The following MEF2A variants were observed in gnomAD, a reference collection of about 807,000 sequenced individuals.
MEF2A encodes the protein myocyte enhancer factor 2A, also known as myocyte-specific enhancer factor 2A.
A neutral mutation model predicts 55.8 loss-of-function variants in MEF2A; 28 were observed. That is an observed-to-expected ratio of 0.50 (90% CI 0.37 to 0.69). MEF2A has a LOEUF of 0.69. Among genes scored for constraint, MEF2A ranks in the 30% least tolerant of loss-of-function variants. The pLI is 0.00. For missense variants in MEF2A, 528 were observed against 626.2 expected, an observed-to-expected ratio of 0.84 and a Z score of 1.67; for synonymous variants, 239 against 227.1, an observed-to-expected ratio of 1.05 and a Z score of -0.47.
intron 1 of MEF2A, among the ~76,000 whole-genome samples, chr15:99,574,381 A>G (rs991342662): frequency 6.6e-6 from 1 of 152,212 alleles, no homozygotes; most frequent in Admixed American, 6.5e-5. Flanking sequence ...ATTCAAGCAC[A>G]TTACATTTAT....
intron 2 of MEF2A, among the ~76,000 whole-genome samples, chr15:99,621,710 G>A (rs570760750): frequency 1.3e-5 from 2 of 152,178 alleles, no homozygotes; most frequent in South Asian, 4.1e-4. Context: ...AGTTTCGTAT[G>A]TCCAAAATTA....
In MEF2A at chr15:99,690,332, C is replaced by T. The variant is rs771223673; in HGVS notation, c.762C>T (p.Pro254=). The T allele has an allele frequency of 1.2e-6, 2 of 1,613,546 alleles. No homozygotes were observed. Among genetic ancestry groups the T allele is most frequent in the Non-Finnish European group, 1.7e-6 (2 of 1,179,732 alleles). The change falls in exon 8 of 12, where the codon CCC becomes CCT. Residue 254 remains proline (P), a synonymous_variant. Coordinates refer to ENST00000557942, the MANE Select transcript of MEF2A (RefSeq NM_001319206.4). ...SLGKVMPTKS[P]PPPGGGNLGM... ...GCAAAGTCATGCCTACAAAGTCTCC[C>T]CCTCCACCAGGTGGTGGTAATCTTG... is the stretch of plus-strand genomic sequence containing the variant.
intron 1 of MEF2A, among the ~76,000 whole-genome samples, chr15:99,583,349 A>G (rs1387436666): frequency 6.6e-6 from 1 of 152,118 alleles, no homozygotes; most frequent in Non-Finnish European, 1.5e-5. Context: ...CTTTTTCTAC[A>G]TTCTGGTTAA....
chr15:99,593,048 C>A (rs901784133), intron 1 of MEF2A, among the ~76,000 whole-genome samples: 4 of 152,034 alleles, frequency 2.6e-5, no homozygotes, highest in Admixed American at 2.6e-4. Context: ...CTTCTTTTTC[C>A]TTTACAGTGT....
chr15:99,594,531 G>T (rs557067937), intron 1 of MEF2A, among the ~76,000 whole-genome samples: 2 of 146,856 alleles, frequency 1.4e-5, no homozygotes, highest in Non-Finnish European at 3.0e-5. Flanking sequence ...TTGACCGTTG[G>T]TAATCAACTC....
At chr15:99,624,643 G>T (rs1340586383) in intron 2 of MEF2A, among the ~76,000 whole-genome samples, 1 of 151,996 alleles carries the variant, frequency 6.6e-6, no homozygotes, top group Non-Finnish European at 1.5e-5. Context: ...AGATTATTTT[G>T]GCTATTTGGA....
intron 3 of MEF2A, among the ~76,000 whole-genome samples, chr15:99,638,468 C>T (rs117815364): frequency 1.4e-3 from 215 of 151,988 alleles, no homozygotes; most frequent in Non-Finnish European, 2.6e-3. Context: ...GTATTTTGTC[C>T]TCCTGTATTT....
intron 4 of MEF2A, among the ~76,000 whole-genome samples, chr15:99,670,411 A>C (rs973825600): frequency 6.6e-6 from 1 of 152,154 alleles, no homozygotes; most frequent in Non-Finnish European, 1.5e-5. Flanking sequence ...GATCCAGACC[A>C]TCCTGGCTAA....
intron 10 of MEF2A, among the ~76,000 whole-genome samples, chr15:99,709,029 A>G (rs576956174): frequency 1.3e-5 from 2 of 152,352 alleles, no homozygotes; most frequent in Admixed American, 1.3e-4. Flanking sequence ...GAGGAGTGCC[A>G]TGACCATATT....
chr15:99,652,571 A>C (rs1011275751), intron 4 of MEF2A, among the ~76,000 whole-genome samples: 4 of 152,196 alleles, frequency 2.6e-5, no homozygotes, highest in African/African-American at 9.6e-5. Context: ...TACGAAGTTG[A>C]AATCAGCCAA....
At chr15:99,640,349 A>G (rs1379742074) in intron 3 of MEF2A, among the ~76,000 whole-genome samples, 1 of 152,162 alleles carries the variant, frequency 6.6e-6, no homozygotes, top group Non-Finnish European at 1.5e-5. Flanking sequence ...AGGCTTGCAC[A>G]TATTTAGAGG....
In MEF2A at chr15:99,593,326, C is replaced by G. The variant is rs150793783; in HGVS notation, c.-224-5104C>G. ...ATCCAAGCATTTGTAGAGACACTTT[C>G]CCTTTTTCCAGGCCTCACAGTGCGG... On this transcript the variant is annotated intron_variant, in intron 1 of 11. Coordinates refer to ENST00000557942, the MANE Select transcript of MEF2A (RefSeq NM_001319206.4). Among the ~76,000 whole-genome samples, 453 of 152,258 alleles carry G rather than the reference C, an allele frequency of 3.0e-3. 3 individuals carry two copies. The highest frequency in any genetic ancestry group is 0.01 in the African/African-American group (424 of 41,558).
chr15:99,658,638 T>G (rs755264182), intron 4 of MEF2A, among the ~76,000 whole-genome samples: 3 of 150,994 alleles, frequency 2.0e-5, no homozygotes, highest in African/African-American at 7.3e-5. Flanking sequence ...TATATAGACA[T>G]AGTGAAACTG....
chr15:99,710,901 G>A, intron 11 of MEF2A, 141 bp downstream of exon 11: 1 of 1,030,242 alleles, frequency 9.7e-7, no homozygotes, highest in South Asian at 1.8e-5. Context: ...CAAGTGTCGG[G>A]AGAAAATATT....
chr15:99,640,099 T>C (rs1410284013), intron 3 of MEF2A, among the ~76,000 whole-genome samples: 1 of 152,224 alleles, frequency 6.6e-6, no homozygotes, highest in Admixed American at 6.5e-5. Context: ...TTTTTTTAAA[T>C]GTTCCGAATG....
chr15:99,712,202 T>C lies in MEF2A; in HGVS notation c.1137-188T>C, dbSNP rs2153830911. Reference sequence around the variant, plus strand: ...AAGGGCTCAACGGTACTGTTTTCTTTCCTCCTAGGAAGATGGGATTTCCTT... The same window carrying C: ...AAGGGCTCAACGGTACTGTTTTCTTCCCTCCTAGGAAGATGGGATTTCCTT... On this transcript the variant is annotated intron_variant, in intron 11 of 11. Coordinates refer to ENST00000557942, the MANE Select transcript of MEF2A (RefSeq NM_001319206.4). This position sits in a 1 kb window ranked among gnomAD's most constrained non-coding sequence, Gnocchi z 4.1. Among the ~76,000 whole-genome samples the C allele has an allele frequency of 6.6e-6, 1 of 152,300 alleles. No homozygotes were observed. Among genetic ancestry groups the C allele is most frequent in the East Asian group, 1.9e-4 (1 of 5,192 alleles).
At position 99,671,420 on chromosome 15, in the gene MEF2A, A is replaced by G. The variant is rs1171996499; in HGVS notation, c.356A>G (p.Asn119Ser). The G allele has an allele frequency of 3.1e-6, 5 of 1,613,854 alleles. No individual in the cohort carries two copies. The stretch of plus-strand genomic sequence containing the variant: ...TCGGAGGACAGATTCAGCAAACTAA[A>G]TGAAGATAGTGATTTTATTTTCAAA... The part of the protein sequence containing the change: ...PLSEDRFSKL[N>S]EDSDFIFKRG... The change falls in exon 5 of 12, where the codon AAT becomes AGT. Residue 119 changes from asparagine to serine, a missense_variant. Transcript: ENST00000557942.
rs555849422 is a variant in MEF2A, at chr15:99,712,215, A to G, written c.1137-175A>G. ...TACTGTTTTCTTTCCTCCTAGGAAG[A>G]TGGGATTTCCTTTTGTGCCAAGCAC... On this transcript the variant is annotated intron_variant, in intron 11 of 11. Transcript: ENST00000557942. This position sits in a 1 kb window ranked among gnomAD's most constrained non-coding sequence, Gnocchi z 4.1. 6.6e-6 allele frequency among the ~76,000 whole-genome samples: 1 copy of G among 152,270 alleles called. No individual in the cohort carries two copies. Among genetic ancestry groups the G allele is most frequent in the Non-Finnish European group, 1.5e-5 (1 of 68,022 alleles).
chr15:99,664,603 C>G (rs1248843465), intron 4 of MEF2A, among the ~76,000 whole-genome samples: 1 of 151,978 alleles, frequency 6.6e-6, no homozygotes, highest in Non-Finnish European at 1.5e-5. Context: ...ATAGTGCAGG[C>G]TTGAGTGAGT....
Sources: gnomAD v4.1 joint callset for allele counts (sites outside exome capture counted in the v4.1 genomes callset) on GRCh38, gnomAD v4.1.1 for gene constraint, Gnocchi (gnomAD v3.1) non-coding constraint, MANE v1.5 for transcripts, NCBI Gene and HGNC (gene_info 2026-07-23, HGNC 2026-07-21) for gene names.